TCF20: variants seen among roughly 807,000 people sequenced by gnomAD.
TCF20 encodes the protein SPRE-binding protein.
TCF20 carries 3 observed loss-of-function variants against 148.6 expected under a neutral mutation model. That is an observed-to-expected ratio of 0.02 (90% CI 0.01 to 0.05). The LOEUF (loss-of-function observed/expected upper bound fraction) is 0.05, where lower values mean the gene tolerates loss of function less well. Ranked by LOEUF, TCF20 falls within the 10% of genes least tolerant of loss-of-function variation. The pLI, the probability that TCF20 is intolerant of heterozygous loss-of-function variation, is 1.00. For synonymous variants in TCF20, 1,049 were observed against 909.5 expected (o/e 1.15, Z -2.76); for missense variants, 2,350 against 2,429.3 (o/e 0.97, Z 0.69).
intron 1 of TCF20, among the ~76,000 whole-genome samples, chr22:42,293,511 T>A (rs1927170409): frequency 1.3e-5 from 2 of 151,762 alleles, no homozygotes; most frequent in Admixed American, 1.3e-4. Context: ...GACAGCGGGG[T>A]GAGGGGGCTC....
Position 42,209,825 on chromosome 22 carries a change from G to A in TCF20, c.5481C>T (p.Ser1827=), listed in dbSNP as rs370269694. 50 of 1,614,084 alleles carry A rather than the reference G, an allele frequency of 3.1e-5. No homozygotes were observed. The East Asian group carries it at 3.3e-4, about 11-fold the overall frequency. Residue 1827 remains serine (S), a synonymous_variant, in exon 2 of 6, where the codon TCC becomes TCT. Coordinates refer to ENST00000677622, the MANE Select transcript of TCF20 (RefSeq NM_001378418.1). The part of the protein sequence containing the change: ...SEKTVLDSKP[S]VPTTSEGGPE... ...GGCCACCTTCTGAAGTGGTGGGCAC[G>A]GAGGGCTTCGAGTCCAAAACAGTCT...
At chr22:42,326,127 A>G (rs1927871114) in intron 1 of TCF20, among the ~76,000 whole-genome samples, 1 of 151,978 alleles carries the variant, frequency 6.6e-6, no homozygotes, top group Non-Finnish European at 1.5e-5. Flanking sequence ...GGAAGGAGCC[A>G]TCCTCTCCTG....
rs1444823477 is a variant in TCF20 at position 42,160,157 on chromosome 22, C to T, written c.*1246G>A. 6.6e-6 allele frequency: 1 copy of T among 152,370 alleles called. No homozygotes were observed. The highest frequency in any genetic ancestry group is 1.5e-5 in the Non-Finnish European group (1 of 68,032). 9.4% of individuals were successfully genotyped at this position (152,370 alleles called of 1,614,324 possible). The stretch of plus-strand genomic sequence containing the variant: ...AGATGCACTAACCCCTTCTTAAGGC[C>T]ATAACAAGATTTTTTTGTACTTTTT... On this transcript the variant is annotated 3_prime_UTR_variant, in exon 6 of 6. Coordinates refer to ENST00000677622, the MANE Select transcript of TCF20 (RefSeq NM_001378418.1).
At chr22:42,192,146 A>T (rs1262434542) in intron 2 of TCF20, among the ~76,000 whole-genome samples, 3 of 152,096 alleles carry the variant, frequency 2.0e-5, no homozygotes, top group Admixed American at 2.0e-4. Context: ...GGCTCATCCT[A>T]CCCAGGAGTT....
intron 3 of TCF20, among the ~76,000 whole-genome samples, chr22:42,178,724 A>G (rs943733771): frequency 1.3e-5 from 2 of 150,526 alleles, no homozygotes; most frequent in Non-Finnish European, 2.9e-5. Context: ...CTGGGACTAT[A>G]GGTGCGCGTC....
intron 2 of TCF20, among the ~76,000 whole-genome samples, chr22:42,184,331 G>A (rs946208963): frequency 7.9e-5 from 12 of 152,140 alleles, no homozygotes; most frequent in Admixed American, 3.3e-4. Flanking sequence ...CATGACGCCT[G>A]TTAGCCCCCT....
Position 42,211,444 on chromosome 22 carries a change from A to T in TCF20, c.3862T>A (p.Ser1288Thr), listed in dbSNP as rs1420747818. ...AATGCTTTATCAGCGCCTTCTTTTG[A>T]TGAGTGAAGGAGGCGACCTTTATCT... ...TEDKGRLLHSSKEGADKAFNS... is the reference protein window; with the variant it reads ...TEDKGRLLHSTKEGADKAFNS... The change falls in exon 2 of 6, where the codon TCA becomes ACA. Residue 1288 changes from serine (S) to threonine (T), a missense_variant. Around this residue, in one of 7 missense-constraint regions of TCF20, gnomAD observed 1,641 missense variants for 1,662.6 expected, o/e 0.99. Coordinates refer to ENST00000677622, the MANE Select transcript of TCF20 (RefSeq NM_001378418.1). The T allele has an allele frequency of 1.2e-6, 2 of 1,614,030 alleles. No individual in the cohort carries two copies. Among genetic ancestry groups the T allele is most frequent in the African/African-American group, 2.7e-5 (2 of 74,910 alleles).
At chr22:42,194,346 G>C (rs1266183131) in intron 2 of TCF20, among the ~76,000 whole-genome samples, 3 of 152,222 alleles carry the variant, frequency 2.0e-5, no homozygotes, top group Non-Finnish European at 4.4e-5. Flanking sequence ...GAGATGATTT[G>C]CTTCAATGAA....
chr22:42,284,951 C>T (rs1038132547), upstream of TCF20, among the ~76,000 whole-genome samples: 11 of 152,256 alleles, frequency 7.2e-5, no homozygotes, highest in Non-Finnish European at 8.8e-5. Flanking sequence ...GACTCTGGGC[C>T]GTGGCCAGAT....
At chr22:42,232,624 G>A (rs1052415811) in intron 1 of TCF20, among the ~76,000 whole-genome samples, 1 of 151,762 alleles carries the variant, frequency 6.6e-6, no homozygotes, top group African/African-American at 2.4e-5. Context: ...TCAGGAGATC[G>A]AGACCATCCT....
In TCF20 at chr22:42,299,418, C is replaced by G. The variant is rs1444275852; in HGVS notation, c.-37+44061G>C. 1.3e-5 allele frequency among the ~76,000 whole-genome samples: 2 copies of G among 152,206 alleles called. No individual in the cohort carries two copies. The highest frequency in any genetic ancestry group is 2.9e-5 in the Non-Finnish European group (2 of 68,046). The stretch of plus-strand genomic sequence containing the variant: ...TCCCCATGGACTCTCTCTCCCATCT[C>G]CCCTCCCCACTCCTAGCCAACCTCC... On this transcript the variant is annotated intron_variant, in intron 1 of 1. Transcript: ENST00000515426. The surrounding 1 kb of genome is among the most constrained non-coding windows in gnomAD (Gnocchi z 4.1).
At chr22:42,268,611 C>T (rs1351117582) in intron 1 of TCF20, among the ~76,000 whole-genome samples, 1 of 152,210 alleles carries the variant, frequency 6.6e-6, no homozygotes, top group Non-Finnish European at 1.5e-5. Context: ...CCAAAATCCC[C>T]TGCGTAGAAA....
At chr22:42,206,114 G>C (rs1938366986) in intron 2 of TCF20, among the ~76,000 whole-genome samples, 1 of 152,134 alleles carries the variant, frequency 6.6e-6, no homozygotes, top group Non-Finnish European at 1.5e-5. Flanking sequence ...GATTTGCTGG[G>C]GAAGATTTAG....
chr22:42,191,456 C>T (rs1437321404), intron 2 of TCF20, among the ~76,000 whole-genome samples: 1 of 152,036 alleles, frequency 6.6e-6, no homozygotes, highest in African/African-American at 2.4e-5. Flanking sequence ...GTCCAGCTAA[C>T]TTTTGTATTT....
Position 42,213,976 on chromosome 22 carries a change from G to A in TCF20, c.1330C>T (p.Pro444Ser). 1 of 1,614,142 alleles carries A rather than the reference G, an allele frequency of 6.2e-7. No homozygotes were observed. The highest frequency in any genetic ancestry group is 1.6e-4 in the Middle Eastern group (1 of 6,062). ...CCAGGATCTGTCAGTCGCTTTTCTGGTACCCCTTCTAGTCCAAACCCTTTG... is the reference window on the plus strand; with the variant it reads ...CCAGGATCTGTCAGTCGCTTTTCTGATACCCCTTCTAGTCCAAACCCTTTG... Reference protein sequence around the residue: ...GFKGFGLEGVPEKRLTDPGLS... With the variant: ...GFKGFGLEGVSEKRLTDPGLS... Residue 444 changes from proline (P) to serine (S), a missense_variant, in exon 2 of 6, where the codon CCA becomes TCA. Pro to Ser is a moderately conservative substitution (Grantham distance 74, BLOSUM62 -1). This residue lies in a region of TCF20 where 1,641 missense variants were observed against 1,662.6 expected (regional missense o/e 0.99). Transcript: ENST00000677622.
In TCF20 at chr22:42,210,668, A is replaced by C; in HGVS notation, c.4638T>G (p.Ser1546Arg). Residue 1546 changes from serine to arginine, a missense_variant, in exon 2 of 6, where the codon AGT becomes AGG. Ser to Arg is a moderately radical substitution (Grantham distance 110). Transcript: ENST00000677622. This position sits in a 1 kb window ranked among gnomAD's most constrained non-coding sequence, Gnocchi z 4.7. ...GCTGCTGTTTCTTTTGCTTATTCAC[A>C]CTACCAATGGGTCTCCCCTTCTTCT... ...SGKKKGRPIG[S>R]VNKQKKQQQP... 2 of 1,613,990 alleles carry C rather than the reference A, an allele frequency of 1.2e-6. No individual in the cohort carries two copies. The highest frequency in any genetic ancestry group is 1.7e-6 in the Non-Finnish European group (2 of 1,180,016).
intron 1 of TCF20, among the ~76,000 whole-genome samples, chr22:42,233,573 G>T (rs1444630228): frequency 6.6e-6 from 1 of 152,208 alleles, no homozygotes; most frequent in Non-Finnish European, 1.5e-5. Context: ...CACAAGCCAT[G>T]ATAAGCATTA....
At chr22:42,192,302 A>C (rs1473559907) in intron 2 of TCF20, among the ~76,000 whole-genome samples, 1 of 152,224 alleles carries the variant, frequency 6.6e-6, no homozygotes, top group Non-Finnish European at 1.5e-5. Flanking sequence ...TGTGAAGATC[A>C]TACTGAAGCG....
intron 2 of TCF20, among the ~76,000 whole-genome samples, chr22:42,181,796 G>T (rs915255928): frequency 6.6e-6 from 1 of 152,028 alleles, no homozygotes; most frequent in Non-Finnish European, 1.5e-5. Context: ...TGTTTTTGTA[G>T]AGACAGGGTC....
Sources: allele counts gnomAD v4.1 joint callset (sites outside exome capture counted in the v4.1 genomes callset), GRCh38; gene constraint gnomAD v4.1.1; regional missense constraint gnomAD v4.1.1; non-coding constraint Gnocchi (gnomAD v3.1); transcripts MANE v1.5; gene names NCBI Gene and HGNC (gene_info 2026-07-23, HGNC 2026-07-21).